The following MGAT4C variants were observed in gnomAD, a reference collection of about 807,000 sequenced individuals.
MGAT4C encodes the protein alpha-1,3-mannosyl-glycoprotein 4-beta-N-acetylglucosaminyltransferase C.
Under a neutral mutation model 40.1 loss-of-function variants are expected in MGAT4C, and 19 were observed. The ratio of observed to expected loss-of-function variants is 0.47; its 90% CI spans 0.33 to 0.70. The LOEUF is 0.70. MGAT4C is among the 30% of genes least tolerant of loss of function. The pLI is 0.02. For synonymous variants in MGAT4C, 181 were observed against 187.1 expected, an observed-to-expected ratio of 0.97 and a Z score of 0.27; for missense variants, 491 against 563.2, an observed-to-expected ratio of 0.87 and a Z score of 1.30.
intron 1 of MGAT4C, among the ~76,000 whole-genome samples, chr12:86,161,970 C>T (rs894078329): frequency 2.0e-5 from 3 of 152,050 alleles, no homozygotes; most frequent in Admixed American, 1.3e-4. Context: ...CCAGTCAGAA[C>T]AGCTATTATT....
intron 1 of MGAT4C, among the ~76,000 whole-genome samples, chr12:86,767,798 C>T (rs1951542968): frequency 6.6e-6 from 1 of 152,092 alleles, no homozygotes; most frequent in Non-Finnish European, 1.5e-5. Flanking sequence ...CAGAAAAGGC[C>T]TTTGACAAAA....
intron 2 of MGAT4C, among the ~76,000 whole-genome samples, chr12:86,637,136 A>G (rs76326409): frequency 0.01 from 1,572 of 152,014 alleles, 16 homozygotes; most frequent in East Asian, 0.038. Context: ...ATGAGTTCCA[A>G]AGTAGCATTC....
chr12:86,285,037 C>A (rs546294566), intron 4 of MGAT4C, among the ~76,000 whole-genome samples: 1 of 151,984 alleles, frequency 6.6e-6, no homozygotes, highest in East Asian at 1.9e-4. Flanking sequence ...AAATAATATT[C>A]ACTAAAATTC....
chr12:86,687,536 G>A (rs1474450708), intron 2 of MGAT4C, among the ~76,000 whole-genome samples: 2 of 152,130 alleles, frequency 1.3e-5, no homozygotes, highest in Non-Finnish European at 2.9e-5. Context: ...GGTATGTTGT[G>A]TCTTTGTTCT....
intron 2 of MGAT4C, among the ~76,000 whole-genome samples, chr12:86,000,500 T>C (rs903493920): frequency 2.0e-5 from 3 of 152,172 alleles, no homozygotes; most frequent in African/African-American, 7.2e-5. Context: ...ATTATTTATC[T>C]ATTAATAAAA....
Position 85,967,520 on chromosome 12 carries a change from TA to T in MGAT4C, c.*11768del, listed in dbSNP as rs1883423317. 6.6e-6 allele frequency: 1 copy of T among 152,140 alleles called. No individual in the cohort carries two copies. The highest frequency in any genetic ancestry group is 2.1e-4 in the South Asian group (1 of 4,834). 9.4% of individuals were successfully genotyped at this position (152,140 alleles called of 1,614,324 possible). On this transcript the variant is annotated 3_prime_UTR_variant, in exon 5 of 5. Transcript: ENST00000611864. ...TCCAGAAAATCTAATTTTATGCAGA[TA>T]AAATCTGAAAATCATATAAGTCCAA...
intron 1 of MGAT4C, among the ~76,000 whole-genome samples, chr12:86,123,679 T>C (rs1458939431): frequency 2.0e-5 from 3 of 152,114 alleles, no homozygotes; most frequent in Non-Finnish European, 2.9e-5. Context: ...AGTTTTTCTT[T>C]GTCTGTAAAT....
chr12:86,538,852 C>T (rs1196462765), intron 2 of MGAT4C, among the ~76,000 whole-genome samples: 1 of 152,016 alleles, frequency 6.6e-6, no homozygotes, highest in African/African-American at 2.4e-5. Context: ...CCTGATCTGC[C>T]CGCCTCGGTC....
rs541026806 is a variant in MGAT4C, at chr12:86,616,288, T to G, written c.-229+110921A>C. Among the ~76,000 whole-genome samples the G allele has an allele frequency of 3.3e-5, 5 of 152,238 alleles. No homozygotes were observed. The East Asian group carries it at 9.6e-4, about 29-fold the overall frequency. On this transcript the variant is annotated intron_variant, in intron 2 of 7. Transcript: ENST00000548651. ...TCTTTCCCTTTATACTTGTGATTGT[T>G]GAGTAGATATCTGTGTTTTGCAAAA...
intron 2 of MGAT4C, among the ~76,000 whole-genome samples, chr12:86,045,340 C>T (rs1345716543): frequency 1.3e-5 from 2 of 152,278 alleles, no homozygotes; most frequent in Admixed American, 1.3e-4. Context: ...TCCTAGTTGC[C>T]TACACTCCTC....
chr12:85,989,357 A>T, intron 3 of MGAT4C, 43 bp downstream of exon 3: 1 of 1,511,890 alleles, frequency 6.6e-7, no homozygotes. Context: ...TGTTTGACTT[A>T]TGCCTTATTT....
At chr12:86,433,578 C>T (rs1957083613) in intron 3 of MGAT4C, among the ~76,000 whole-genome samples, 1 of 151,716 alleles carries the variant, frequency 6.6e-6, no homozygotes, top group African/African-American at 2.4e-5. Context: ...TTTTTCCCCT[C>T]AGCTCCCCTT....
chr12:86,399,802 C>G (rs1446801687), intron 3 of MGAT4C, among the ~76,000 whole-genome samples: 2 of 152,192 alleles, frequency 1.3e-5, no homozygotes, highest in Non-Finnish European at 2.9e-5. Context: ...CTCTTCCAGA[C>G]CTTGCCCTAT....
chr12:86,730,940 G>A (rs1295827605), intron 1 of MGAT4C, among the ~76,000 whole-genome samples: 1 of 152,016 alleles, frequency 6.6e-6, no homozygotes, highest in Non-Finnish European at 1.5e-5. Flanking sequence ...CTATGAAGCA[G>A]CTATCATTAA....
chr12:86,587,510 G>T (rs1961107337), intron 2 of MGAT4C, among the ~76,000 whole-genome samples: 2 of 151,862 alleles, frequency 1.3e-5, no homozygotes, highest in Non-Finnish European at 2.9e-5. Flanking sequence ...GCTTGATGGG[G>T]ATGGCATTGA....
intron 2 of MGAT4C, among the ~76,000 whole-genome samples, chr12:86,629,823 C>A (rs375234109): frequency 4.2e-4 from 64 of 152,182 alleles, no homozygotes; most frequent in Non-Finnish European, 7.2e-4. Context: ...AATCGACACC[C>A]TAACATCACA....
intron 2 of MGAT4C, among the ~76,000 whole-genome samples, chr12:86,562,000 C>T (rs1959884747): frequency 6.6e-6 from 1 of 152,140 alleles, no homozygotes; most frequent in Non-Finnish European, 1.5e-5. Flanking sequence ...ATTTGATACT[C>T]CTGATTCACT....
chr12:86,612,438 A>G (rs1962314866), intron 2 of MGAT4C, among the ~76,000 whole-genome samples: 1 of 152,092 alleles, frequency 6.6e-6, no homozygotes, highest in African/African-American at 2.4e-5. Flanking sequence ...TCTTTTAAAG[A>G]AGAAAAAGAC....
chr12:86,432,728 A>G (rs1957064585), intron 3 of MGAT4C, among the ~76,000 whole-genome samples: 1 of 152,164 alleles, frequency 6.6e-6, no homozygotes, highest in Admixed American at 6.6e-5. Context: ...AGAAAATTTG[A>G]AAAGTAATAA....
Sources: allele counts gnomAD v4.1 joint callset (sites outside exome capture counted in the v4.1 genomes callset), GRCh38; gene constraint gnomAD v4.1.1; transcripts MANE v1.5; gene names NCBI Gene and HGNC (gene_info 2026-07-23, HGNC 2026-07-21).